Variants in CCDC73 observed in about 807,000 individuals in gnomAD.
The protein encoded by CCDC73 is coiled-coil domain-containing protein 73.
In CCDC73, 95 loss-of-function variants were observed where a neutral mutation model predicts 116.5. That is an observed-to-expected ratio of 0.82 (90% CI 0.69 to 0.97). The LOEUF is 0.97. Ranked by LOEUF, CCDC73 falls within the 50% of genes least tolerant of loss-of-function variation. The pLI is 0.00. For synonymous variants in CCDC73, 398 were observed against 401.3 expected (o/e 0.99, Z 0.10); for missense variants, 1,066 against 1,206.8 (o/e 0.88, Z 1.73).
chr11:32,727,136 T>C lies in CCDC73; in HGVS notation c.136-8989A>G, dbSNP rs11822027. 4.1e-3 allele frequency among the ~76,000 whole-genome samples: 632 copies of C among 152,336 alleles called. 3 individuals are homozygous for C. The highest frequency in any genetic ancestry group is 0.015 in the African/African-American group (605 of 41,578). On this transcript the variant is annotated intron_variant, in intron 2 of 17. Coordinates refer to ENST00000335185, the MANE Select transcript of CCDC73 (RefSeq NM_001008391.4). ...ATGGGGCTTGTCTGATATTTTTTCA[T>C]AATTATACTAGCTGTGGGGGAAGAA... is the stretch of plus-strand genomic sequence containing the variant.
the CCDC73 span, among the ~76,000 whole-genome samples, chr11:32,800,035 A>G: frequency 6.6e-6 from 1 of 152,194 alleles, no homozygotes; most frequent in Admixed American, 6.5e-5. Context: ...TCAGAGTTGC[A>G]TATTAAAATT....
the CCDC73 span, among the ~76,000 whole-genome samples, chr11:32,811,650 G>A: frequency 4.6e-5 from 7 of 152,214 alleles, no homozygotes; most frequent in East Asian, 7.7e-4. Context: ...GAAGGCAAAG[G>A]GGGGAGCCGG....
At chr11:32,829,479 T>C in the CCDC73 span, among the ~76,000 whole-genome samples, 1 of 152,364 alleles carries the variant, frequency 6.6e-6, no homozygotes, top group East Asian at 1.9e-4. Context: ...CAATTACTTG[T>C]AAGGTCATTT....
At chr11:32,762,895 C>T (rs1315277849) in intron 1 of CCDC73, among the ~76,000 whole-genome samples, 2 of 152,134 alleles carry the variant, frequency 1.3e-5, no homozygotes, top group African/African-American at 2.4e-5. Context: ...GAGTCACTCC[C>T]ACCCTAATAC....
At chr11:32,751,715 T>C (rs554821484) in intron 2 of CCDC73, among the ~76,000 whole-genome samples, 248 of 151,262 alleles carry the variant, frequency 1.6e-3, no homozygotes, top group African/African-American at 5.8e-3. Flanking sequence ...TCAGTGCCTC[T>C]TTCAGCAATA....
In CCDC73 at chr11:32,711,532, G is replaced by A. The variant is rs760793276; in HGVS notation, c.207+6544C>T. Among the ~76,000 whole-genome samples the A allele has an allele frequency of 8.2e-4, 124 of 152,124 alleles. 1 individual carries two copies. Among genetic ancestry groups the A allele is most frequent in the Admixed American group, 9.2e-4 (14 of 15,258 alleles). On this transcript the variant is annotated intron_variant, in intron 3 of 17. Coordinates refer to ENST00000335185, the MANE Select transcript of CCDC73 (RefSeq NM_001008391.4). ...GGAGACTTTATGCCAAATATCATAT[G>A]TTCTCACTCACAAGAGGGAGCTAAG...
chr11:32,643,415 A>G (rs1421705416), intron 12 of CCDC73, among the ~76,000 whole-genome samples: 6 of 152,100 alleles, frequency 3.9e-5, no homozygotes, highest in Non-Finnish European at 8.8e-5. Flanking sequence ...TAATTCCATC[A>G]TTAGGTGATT....
intron 1 of CCDC73, among the ~76,000 whole-genome samples, chr11:32,771,355 A>G (rs1445515894): frequency 6.6e-6 from 1 of 152,178 alleles, no homozygotes; most frequent in East Asian, 1.9e-4. Context: ...AGATGAAAAC[A>G]ATGTACTAGG....
At chr11:32,770,206 C>G (rs901963245) in intron 1 of CCDC73, among the ~76,000 whole-genome samples, 1 of 152,064 alleles carries the variant, frequency 6.6e-6, no homozygotes, top group African/African-American at 2.4e-5. Flanking sequence ...TGGTTTTCAC[C>G]CCAGACTTCT....
chr11:32,768,096 G>A (rs1230502741), intron 1 of CCDC73, among the ~76,000 whole-genome samples: 1 of 152,184 alleles, frequency 6.6e-6, no homozygotes, highest in Non-Finnish European at 1.5e-5. Flanking sequence ...TGATAGACTG[G>A]ATTAAGAAAA....
chr11:32,808,113 T>A, the CCDC73 span, among the ~76,000 whole-genome samples: 1 of 151,882 alleles, frequency 6.6e-6, no homozygotes, highest in South Asian at 2.1e-4. Context: ...GGAAGCAGAA[T>A]TAGTAGATCA....
chr11:32,753,457 G>A (rs1359338204), intron 2 of CCDC73, among the ~76,000 whole-genome samples: 2 of 151,522 alleles, frequency 1.3e-5, no homozygotes, highest in African/African-American at 4.9e-5. Flanking sequence ...ACCACACCCA[G>A]CTAAAATTTT....
At chr11:32,812,392 G>A in the CCDC73 span, among the ~76,000 whole-genome samples, 152 of 152,278 alleles carry the variant, frequency 1.0e-3, no homozygotes, top group Non-Finnish European at 1.8e-3. Context: ...TAGGCCGGGC[G>A]CAGTGGCTCA....
At chr11:32,742,847 G>A (rs896975261) in intron 2 of CCDC73, among the ~76,000 whole-genome samples, 1 of 152,152 alleles carries the variant, frequency 6.6e-6, no homozygotes, top group Non-Finnish European at 1.5e-5. Context: ...GTGTAAGGAA[G>A]GGGTCCAGTT....
At position 32,760,244 on chromosome 11, in the gene CCDC73, A is replaced by T; in HGVS notation, c.-1T>A. On this transcript the variant is annotated 5_prime_UTR_variant, in exon 2 of 18. Transcript: ENST00000335185. ...ACTCAGTATTGAAGTTGCTTTCCAT[A>T]TTAATATTTATTTCCTGTAATGTAA... 1 of 1,533,762 alleles carries T rather than the reference A, an allele frequency of 6.5e-7. No homozygotes were observed. Among genetic ancestry groups the T allele is most frequent in the South Asian group, 1.2e-5 (1 of 82,794 alleles).
chr11:32,662,384 G>A (rs1341375391), intron 9 of CCDC73, among the ~76,000 whole-genome samples: 1 of 152,182 alleles, frequency 6.6e-6, no homozygotes, highest in Non-Finnish European at 1.5e-5. Flanking sequence ...ATTCTAACTG[G>A]TGTGAGATGG....
chr11:32,652,611 A>G (rs191693267), intron 12 of CCDC73, among the ~76,000 whole-genome samples: 226 of 152,278 alleles, frequency 1.5e-3, no homozygotes, highest in African/African-American at 2.5e-3. Context: ...GCACTCCCAA[A>G]TTATCAATGG....
chr11:32,669,653 C>G (rs374466883), intron 9 of CCDC73, among the ~76,000 whole-genome samples: 2 of 151,352 alleles, frequency 1.3e-5, no homozygotes, highest in Non-Finnish European at 2.9e-5. Context: ...ATTCTACTCT[C>G]TATCTCCATG....
At chr11:32,779,843 C>A (rs559979582) in intron 1 of CCDC73, among the ~76,000 whole-genome samples, 1 of 152,282 alleles carries the variant, frequency 6.6e-6, no homozygotes, top group African/African-American at 2.4e-5. Context: ...AGAAGGTATA[C>A]AGGTTAATAA....
Sources: gnomAD v4.1 joint callset for allele counts (sites outside exome capture counted in the v4.1 genomes callset) on GRCh38, gnomAD v4.1.1 for gene constraint, MANE v1.5 for transcripts, NCBI Gene and HGNC (gene_info 2026-07-23, HGNC 2026-07-21) for gene names.